Variants in IGF2R observed in about 807,000 individuals in gnomAD.
IGF2R encodes the protein insulin like growth factor 2 receptor.
Under a neutral mutation model 270.6 loss-of-function variants are expected in IGF2R, and 91 were observed. The ratio of observed to expected loss-of-function variants is 0.34; its 90% CI spans 0.28 to 0.40. The LOEUF (loss-of-function observed/expected upper bound fraction) is 0.40, where lower values mean the gene tolerates loss of function less well. Ranked by LOEUF, IGF2R falls within the 10% of genes least tolerant of loss-of-function variation. The pLI is 1.00. For synonymous variants in IGF2R, 1,316 were observed against 1,258.9 expected, an observed-to-expected ratio of 1.05 and a Z score of -0.96; for missense variants, 2,805 against 3,188.3, an observed-to-expected ratio of 0.88 and a Z score of 2.90.
rs536566916 is a variant in IGF2R, at chr6:159,991,461, T to C, written c.289+138T>C. On this transcript the variant is annotated intron_variant, in intron 2 of 47. Transcript: ENST00000356956. The stretch of plus-strand genomic sequence containing the variant: ...AATCATAAGTGTTTATAATACATAA[T>C]ACACATTTGTTAGTAGTTAAAAATG... 4.4e-4 allele frequency: 305 copies of C among 691,612 alleles called. 2 individuals carry two copies. The highest frequency in any genetic ancestry group is 3.8e-3 in the African/African-American group (211 of 55,342). 42.8% of individuals were successfully genotyped at this position (691,612 alleles called of 1,614,324 possible).
At chr6:160,099,331 T>TTTATGTTATG (rs56981943) in intron 45 of IGF2R, among the ~76,000 whole-genome samples, 4,857 of 149,104 alleles carry the variant, frequency 0.033, 93 homozygotes, top group East Asian at 0.074. Context: ...TTTCCTCAGC[T>TTTATGTTATG]TTATGTTATG....
rs566871651 is a variant in IGF2R at position 159,992,149 on chromosome 6, G to C, written c.289+826G>C. Among the ~76,000 whole-genome samples the C allele has an allele frequency of 2.6e-5, 4 of 152,348 alleles. No homozygotes were observed. In the East Asian group the frequency reaches 7.7e-4, roughly 29 times the overall value. On this transcript the variant is annotated intron_variant, in intron 2 of 47. Coordinates refer to ENST00000356956, the MANE Select transcript of IGF2R (RefSeq NM_000876.4). ...ATGACTAGGGACTGTCTGATAACTA[G>C]AAGAAGATGCTAGGTGGGCTTTTGG...
chr6:160,041,535 C>T (rs572433314), intron 11 of IGF2R, among the ~76,000 whole-genome samples: 9 of 152,228 alleles, frequency 5.9e-5, no homozygotes, highest in Non-Finnish European at 1.2e-4. Flanking sequence ...TGCAGCAAAC[C>T]ACCATGGCAC....
At chr6:160,013,410 T>TTA (rs1784368971) in intron 4 of IGF2R, among the ~76,000 whole-genome samples, 1 of 87,728 alleles carries the variant, frequency 1.1e-5, no homozygotes, top group Non-Finnish European at 2.3e-5. Flanking sequence ...TGGTTCTTTG[T>TTA]AAAAAAAAAA....
In IGF2R at chr6:160,073,488, A is replaced by C. The variant is rs1363721489; in HGVS notation, c.4947+19A>C. 6.2e-7 allele frequency: 1 copy of C among 1,613,098 alleles called. No individual in the cohort carries two copies. The highest frequency in any genetic ancestry group is 1.3e-5 in the African/African-American group (1 of 74,954). ...GCAAGCGGTGAGTTTTCAGATGGGC[A>C]CGGGAGAAGTGCATGTCCAGTGCCT... is the stretch of plus-strand genomic sequence containing the variant. On this transcript the variant is annotated intron_variant, in intron 34 of 47. Transcript: ENST00000356956.
intron 16 of IGF2R, among the ~76,000 whole-genome samples, chr6:160,047,568 TA>T (rs971734258): frequency 8.6e-5 from 13 of 151,694 alleles, no homozygotes; most frequent in African/African-American, 1.2e-4. Context: ...TACAAAAGCA[TA>T]AAAAAAAATC....
chr6:160,091,422 A>G (rs1779224010), intron 44 of IGF2R, among the ~76,000 whole-genome samples: 1 of 151,966 alleles, frequency 6.6e-6, no homozygotes, highest in Admixed American at 6.6e-5. Context: ...TGCTGAGTGC[A>G]TCTCCACGAC....
rs780962088 is a variant in IGF2R, at chr6:160,064,829, A to G, written c.4043A>G (p.Asp1348Gly). The change falls in exon 29 of 48, where the codon GAT becomes GGT. Residue 1348 changes from aspartate to glycine, a missense_variant. Around this residue, in one of 2 missense-constraint regions of IGF2R, gnomAD observed 1,851 missense variants for 2,207.2 expected, o/e 0.84. Coordinates refer to ENST00000356956, the MANE Select transcript of IGF2R (RefSeq NM_000876.4). ...CCAGTATTTCTAAAGGAGACTTCAG[A>G]TTGTTCCTACTTGTTTGAGTGGCGA... ...QRPVFLKETSDCSYLFEWRTQ... is the reference protein window; with the variant it reads ...QRPVFLKETSGCSYLFEWRTQ... The G allele has an allele frequency of 1.5e-5, 25 of 1,613,406 alleles. No homozygotes were observed. Among genetic ancestry groups the G allele is most frequent in the Non-Finnish European group, 1.9e-5 (22 of 1,179,402 alleles).
rs115583758 is a variant in IGF2R at position 160,078,181 on chromosome 6, C to T, written c.5317-20C>T. On this transcript the variant is annotated intron_variant, in intron 36 of 47. Transcript: ENST00000356956. ...CCTATGCCATGGGGTTTTTAAGACCCGTGCTCTTCCTGGCAACAGGGAACG... is the reference window on the plus strand; with the variant it reads ...CCTATGCCATGGGGTTTTTAAGACCTGTGCTCTTCCTGGCAACAGGGAACG... 1.1e-3 allele frequency: 1,757 copies of T among 1,612,892 alleles called. 12 individuals carry two copies. In the African/African-American group the frequency reaches 0.019, roughly 17 times the overall value.
intron 4 of IGF2R, among the ~76,000 whole-genome samples, chr6:160,023,498 C>T (rs987556138): frequency 3.4e-4 from 52 of 152,144 alleles, no homozygotes; most frequent in African/African-American, 1.2e-3. Context: ...AACACTTATG[C>T]CAACCTGCCA....
intron 35 of IGF2R, among the ~76,000 whole-genome samples, chr6:160,074,582 T>A (rs2115277063): frequency 6.6e-6 from 1 of 152,368 alleles, no homozygotes; most frequent in East Asian, 1.9e-4. Context: ...CTTACTAGCA[T>A]GTTTTAATAG....
intron 1 of IGF2R, among the ~76,000 whole-genome samples, chr6:159,986,171 A>C (rs1488721951): frequency 6.6e-6 from 1 of 151,784 alleles, no homozygotes; most frequent in Non-Finnish European, 1.5e-5. Flanking sequence ...TGACTTTTAG[A>C]AGACTTGACA....
rs1491524587 is a variant in IGF2R, at chr6:160,065,773, GAT to G, written c.4115+875_4115+876del. Among the ~76,000 whole-genome samples, 143 of 122,444 alleles carry G rather than the reference GAT, an allele frequency of 1.2e-3. 1 individual carries two copies. The Middle Eastern group carries it at 0.013, about 11-fold the overall frequency. The allele number at this position is 122,444 out of a possible 152,430, so 80.3% of individuals were successfully genotyped here. A position where few individuals can be genotyped will look rare whatever the true frequency, so the allele number is the denominator to read the frequency against. On this transcript the variant is annotated intron_variant, in intron 29 of 47. Coordinates refer to ENST00000356956, the MANE Select transcript of IGF2R (RefSeq NM_000876.4). ...TTGCACATAAAGCATTTTTCCTAGA[GAT>G]ATGTGTATGTGTGTGTGTGTGTGTG... is the stretch of plus-strand genomic sequence containing the variant.
intron 1 of IGF2R, among the ~76,000 whole-genome samples, chr6:159,970,664 T>A (rs1250361148): frequency 4.6e-5 from 7 of 152,216 alleles, no homozygotes; most frequent in Non-Finnish European, 1.0e-4. Context: ...TACCCTAAGA[T>A]ACATAGTTAC....
chr6:159,986,199 T>C (rs573638932), intron 1 of IGF2R, among the ~76,000 whole-genome samples: 104 of 151,726 alleles, frequency 6.9e-4, no homozygotes, highest in Non-Finnish European at 1.1e-3. Context: ...AGGAAAATGC[T>C]CACTGGGCTT....
intron 44 of IGF2R, among the ~76,000 whole-genome samples, chr6:160,091,392 G>A (rs1370373294): frequency 6.6e-6 from 1 of 152,042 alleles, no homozygotes; most frequent in African/African-American, 2.4e-5. Flanking sequence ...CCGAGAAGGA[G>A]CAGGTGCTCC....
intron 47 of IGF2R, among the ~76,000 whole-genome samples, chr6:160,104,143 G>A (rs1003655543): frequency 6.6e-6 from 1 of 152,034 alleles, no homozygotes; most frequent in African/African-American, 2.4e-5. Flanking sequence ...GCATTTGGAT[G>A]ATTTCTTTCA....
Position 160,102,655 on chromosome 6 carries a change from T to C in IGF2R, c.6979T>C (p.Tyr2327His), listed in dbSNP as rs760940665. Residue 2327 changes from tyrosine (Y) to histidine (H), a missense_variant, in exon 46 of 48, where the codon TAC (tyrosine) becomes CAC (histidine). By Grantham distance (83) the Tyr-to-His change is moderately conservative. This residue lies in a region of IGF2R where 1,851 missense variants were observed against 2,207.2 expected (regional missense o/e 0.84). Coordinates refer to ENST00000356956, the MANE Select transcript of IGF2R (RefSeq NM_000876.4). The surrounding 1 kb of genome is among the most constrained non-coding windows in gnomAD (Gnocchi z 4.5). The part of the protein sequence containing the change: ...LTCCLLALLL[Y>H]KKERRETVIS... ...CTGCTGCCTGCTGGCCCTGTTGCTC[T>C]ACAAGAAGGAGAGGAGGTAAGCGGG... The C allele has an allele frequency of 6.2e-7, 1 of 1,606,772 alleles. No individual in the cohort carries two copies. Among genetic ancestry groups the C allele is most frequent in the African/African-American group, 1.3e-5 (1 of 74,836 alleles).
intron 29 of IGF2R, among the ~76,000 whole-genome samples, chr6:160,066,001 A>G (rs149160911): frequency 0.011 from 1,486 of 132,848 alleles, 33 homozygotes; most frequent in African/African-American, 0.041. Flanking sequence ...TGCCTGGCTA[A>G]TTTTTGTGGT....
Sources: allele counts gnomAD v4.1 joint callset (sites outside exome capture counted in the v4.1 genomes callset), GRCh38; gene constraint gnomAD v4.1.1; regional missense constraint gnomAD v4.1.1; non-coding constraint Gnocchi (gnomAD v3.1); transcripts MANE v1.5; gene names NCBI Gene and HGNC (gene_info 2026-07-23, HGNC 2026-07-21).